The following CEP83 variants were observed in gnomAD, a reference collection of about 807,000 sequenced individuals.
CEP83 encodes the protein centrosomal protein 83, also known as centrosomal protein of 83 kDa.
A neutral mutation model predicts 101.9 loss-of-function variants in CEP83; 70 were observed. The ratio of observed to expected loss-of-function variants is 0.69; its 90% confidence interval spans 0.57 to 0.84. The LOEUF is 0.84. CEP83 is among the 40% of genes least tolerant of loss of function. The pLI, the probability that CEP83 is intolerant of heterozygous loss-of-function variation, is 0.00. For synonymous variants in CEP83, 264 were observed against 267.9 expected (o/e 0.99, Z 0.14); for missense variants, 715 against 787.2 (o/e 0.91, Z 1.10).
At chr12:94,387,742 A>G (rs1044433037) in intron 6 of CEP83, among the ~76,000 whole-genome samples, 1 of 152,248 alleles carries the variant, frequency 6.6e-6, no homozygotes, top group Non-Finnish European at 1.5e-5. Flanking sequence ...AACAAGGAAA[A>G]AACAACCCCA....
chr12:94,340,722 C>T (rs1009126254), intron 11 of CEP83, among the ~76,000 whole-genome samples: 7 of 152,240 alleles, frequency 4.6e-5, no homozygotes, highest in Non-Finnish European at 5.9e-5. Context: ...CAGGCGTGAG[C>T]CACCACGCCC....
In CEP83 at chr12:94,435,923, C is replaced by T. The variant is rs537541556; in HGVS notation, c.-154-596G>A. Among the ~76,000 whole-genome samples the T allele has an allele frequency of 1.8e-4, 28 of 152,262 alleles. No individual in the cohort carries two copies. In the South Asian group the frequency reaches 5.4e-3, roughly 29 times the overall value. ...TATCACAAGACAACTTGCAGACATT[C>T]GCCAGCACCAGCCTGGAGCCCAGTA... On this transcript the variant is annotated intron_variant, in intron 1 of 16. Coordinates refer to ENST00000397809, the MANE Select transcript of CEP83 (RefSeq NM_016122.3).
At chr12:94,360,504 TTATTA>T (rs1313423696) in intron 11 of CEP83, among the ~76,000 whole-genome samples, 1 of 151,784 alleles carries the variant, frequency 6.6e-6, no homozygotes, top group Non-Finnish European at 1.5e-5. Context: ...GAAATCTTCT[TTATTA>T]TAATTATAAA....
Position 94,442,167 on chromosome 12 carries a change from T to A in CEP83, c.-154-6840A>T, listed in dbSNP as rs2066460985. ...AATACTACTCAGCCATAAAAAGGAA[T>A]GAAATAATGGCATTCACAGCAACTG... On this transcript the variant is annotated intron_variant, in intron 1 of 16. Transcript: ENST00000397809. Among the ~76,000 whole-genome samples the A allele has an allele frequency of 2.0e-5, 3 of 151,986 alleles. No homozygotes were observed. The South Asian group carries it at 6.2e-4, about 32-fold the overall frequency.
At chr12:94,431,822 T>C (rs1202384344) in intron 2 of CEP83, among the ~76,000 whole-genome samples, 1 of 152,184 alleles carries the variant, frequency 6.6e-6, no homozygotes, top group African/African-American at 2.4e-5. Flanking sequence ...GGAACTCTTA[T>C]ATGCTGCTGG....
the CEP83 span, among the ~76,000 whole-genome samples, chr12:94,266,043 C>A: frequency 2.0e-5 from 3 of 152,196 alleles, no homozygotes; most frequent in African/African-American, 7.2e-5. Context: ...TTCTGGGCTT[C>A]TTCACGATCT....
the CEP83 span, chr12:94,281,928 A>T: frequency 4.4e-6 from 1 of 228,504 alleles, no homozygotes; most frequent in Non-Finnish European, 8.8e-6. Context: ...CCCGAACAGG[A>T]GCCTACAGAG....
At chr12:94,449,063 A>G (rs1008466586) in intron 1 of CEP83, among the ~76,000 whole-genome samples, 5 of 151,880 alleles carry the variant, frequency 3.3e-5, no homozygotes, top group African/African-American at 9.7e-5. Flanking sequence ...CCAAGAAAAT[A>G]AGAGATACAA....
At chr12:94,301,688 C>A (rs1053920119), downstream of CEP83, among the ~76,000 whole-genome samples, 2 of 152,164 alleles carry the variant, frequency 1.3e-5, no homozygotes, top group East Asian at 3.8e-4. Context: ...AGGAGGAGTT[C>A]TTGGGCAGGA....
chr12:94,317,864 T>G (rs7978911), intron 14 of CEP83, among the ~76,000 whole-genome samples: 20,222 of 151,824 alleles, frequency 0.13, 1,907 homozygotes, highest in African/African-American at 0.27. Flanking sequence ...CTCCACGTTT[T>G]TTGTTGTTGT....
intron 11 of CEP83, among the ~76,000 whole-genome samples, chr12:94,358,591 T>C (rs1304542258): frequency 6.6e-6 from 1 of 152,214 alleles, no homozygotes; most frequent in Non-Finnish European, 1.5e-5. Flanking sequence ...AACATTTTCT[T>C]CTTGGAATTC....
chr12:94,379,655 TGCAGA>T (rs1398471662), intron 6 of CEP83, among the ~76,000 whole-genome samples: 5 of 152,064 alleles, frequency 3.3e-5, no homozygotes, highest in African/African-American at 1.2e-4. Context: ...CTGGGGAACT[TGCAGA>T]GCAGAGACAC....
intron 1 of CEP83, among the ~76,000 whole-genome samples, chr12:94,450,210 C>T (rs2067146896): frequency 6.6e-6 from 1 of 152,114 alleles, no homozygotes; most frequent in African/African-American, 2.4e-5. Context: ...GAAAAAGTAT[C>T]GTTTTGAGAC....
Position 94,400,903 on chromosome 12 carries a change from T to C in CEP83, c.496A>G (p.Lys166Glu), listed in dbSNP as rs913073743. The C allele has an allele frequency of 6.6e-7, 1 of 1,518,784 alleles. No individual in the cohort carries two copies. Among genetic ancestry groups the C allele is most frequent in the Non-Finnish European group, 8.8e-7 (1 of 1,130,328 alleles). The allele number at this position is 1,518,784 out of a possible 1,614,324, so 94.1% of individuals were successfully genotyped here. Residue 166 changes from lysine to glutamate, a missense_variant, in exon 6 of 17, where the codon AAG becomes GAG. Physicochemically the swap from Lys to Glu is moderately conservative, Grantham distance 56. Coordinates refer to ENST00000397809, the MANE Select transcript of CEP83 (RefSeq NM_016122.3). ...TCTAAAATACGTGCATACTCTTCCT[T>C]CTGGTGTTCAAATTCTGACTTGAGA... ...TFLKSEFEHQKEEYARILDEG... is the reference protein window; with the variant it reads ...TFLKSEFEHQEEEYARILDEG...
intron 6 of CEP83, among the ~76,000 whole-genome samples, chr12:94,386,539 G>C (rs2062159525): frequency 6.6e-6 from 1 of 152,084 alleles, no homozygotes; most frequent in African/African-American, 2.4e-5. Flanking sequence ...TTTTATCTCT[G>C]CACAGTGGCC....
At chr12:94,302,985 T>C (rs1419270256), downstream of CEP83, among the ~76,000 whole-genome samples, 1 of 152,256 alleles carries the variant, frequency 6.6e-6, no homozygotes, top group Non-Finnish European at 1.5e-5. Flanking sequence ...TCCTTCAGAA[T>C]GATTCATCAA....
At chr12:94,267,731 A>G in the CEP83 span, among the ~76,000 whole-genome samples, 2 of 152,178 alleles carry the variant, frequency 1.3e-5, no homozygotes, top group African/African-American at 4.8e-5. Flanking sequence ...CTTGTGTGAC[A>G]AACTGTTAGC....
At chr12:94,297,483 C>A in the CEP83 span, 2 of 1,159,206 alleles carry the variant, frequency 1.7e-6, no homozygotes, top group Non-Finnish European at 2.6e-6. Flanking sequence ...ATATGTTTGA[C>A]TTAATTTCCA....
intron 8 of CEP83, among the ~76,000 whole-genome samples, chr12:94,374,272 G>GC (rs1053604618): frequency 6.6e-5 from 10 of 151,712 alleles, no homozygotes; most frequent in African/African-American, 1.7e-4. Context: ...ATACTTGGTG[G>GC]CCCCCCCAAG....
Sources: allele counts gnomAD v4.1 joint callset (sites outside exome capture counted in the v4.1 genomes callset), GRCh38; gene constraint gnomAD v4.1.1; transcripts MANE v1.5; gene names NCBI Gene and HGNC (gene_info 2026-07-23, HGNC 2026-07-21).